Variants in NMNAT3 observed in about 807,000 individuals in gnomAD.
NMNAT3 encodes the protein nicotinamide/nicotinic acid mononucleotide adenylyltransferase 3.
A neutral mutation model predicts 24.8 loss-of-function variants in NMNAT3; 21 were observed. That is an observed-to-expected ratio of 0.85 (90% confidence interval 0.60 to 1.22). The LOEUF (loss-of-function observed/expected upper bound fraction) is 1.22. Ranked by LOEUF, NMNAT3 falls within the 50% of genes most tolerant of loss-of-function variation. The pLI is 0.00. For synonymous variants in NMNAT3, 136 were observed against 155.2 expected (o/e 0.88, Z 0.92); for missense variants, 387 against 436.6 (o/e 0.89, Z 1.01).
At position 139,564,391 on chromosome 3, in the gene NMNAT3, C is replaced by T. The variant is rs144511217; in HGVS notation, c.659-2999G>A. On this transcript the variant is annotated intron_variant, in intron 6 of 6. Transcript: ENST00000643695. ...CCACCTTGGAACATTCAGTATAAAACGGAAACAGATAAAGGGCCTGCTCTG... is the reference window on the plus strand; with the variant it reads ...CCACCTTGGAACATTCAGTATAAAATGGAAACAGATAAAGGGCCTGCTCTG... 2.0e-4 allele frequency among the ~76,000 whole-genome samples: 31 copies of T among 152,246 alleles called. No homozygotes were observed. The East Asian group carries it at 4.6e-3, about 23-fold the overall frequency.
intron 3 of NMNAT3, among the ~76,000 whole-genome samples, chr3:139,611,817 A>G (rs1973427): frequency 0.93 from 141,499 of 152,264 alleles, 66,673 homozygotes; most frequent in East Asian, 1. Context: ...TGCTCCACAA[A>G]TCAAGAGAAC....
At chr3:139,631,845 T>C (rs191341010) in intron 2 of NMNAT3, among the ~76,000 whole-genome samples, 1 of 152,360 alleles carries the variant, frequency 6.6e-6, no homozygotes, top group Admixed American at 6.5e-5. Context: ...ACTCTGTACT[T>C]GTTACATATT....
intron 3 of NMNAT3, among the ~76,000 whole-genome samples, chr3:139,602,901 A>G (rs1042987013): frequency 3.3e-5 from 5 of 152,242 alleles, no homozygotes; most frequent in African/African-American, 1.2e-4. Flanking sequence ...TAAATTTAAG[A>G]TGATCTTTTC....
intron 6 of NMNAT3, chr3:139,572,210 T>G (rs1938494837): frequency 2.5e-5 from 10 of 398,434 alleles, no homozygotes; most frequent in Non-Finnish European, 3.5e-5. Flanking sequence ...TCAAAAAGTG[T>G]CTGTAGAATC....
chr3:139,591,128 G>T (rs926217523), intron 3 of NMNAT3, among the ~76,000 whole-genome samples: 2 of 151,166 alleles, frequency 1.3e-5, no homozygotes, highest in Non-Finnish European at 1.5e-5. Flanking sequence ...TGCGCGAGCC[G>T]AAGCAGGGCG....
intron 3 of NMNAT3, among the ~76,000 whole-genome samples, chr3:139,586,754 C>T (rs570299474): frequency 1.2e-4 from 18 of 151,996 alleles, no homozygotes; most frequent in Non-Finnish European, 2.4e-4. Context: ...CCAGAAAACC[C>T]GGGGAATCAG....
At chr3:139,587,670 G>A (rs1179759461) in intron 3 of NMNAT3, among the ~76,000 whole-genome samples, 9 of 152,190 alleles carry the variant, frequency 5.9e-5, no homozygotes, top group Non-Finnish European at 1.5e-5. Flanking sequence ...CACAATTCAT[G>A]GAAATGGTGG....
At chr3:139,567,301 G>T (rs1449404114) in intron 6 of NMNAT3, 1 of 152,090 alleles carries the variant, frequency 6.6e-6, no homozygotes, top group South Asian at 2.1e-4. Context: ...CATGTCATCT[G>T]CAAACAGGGA....
chr3:139,644,694 A>G (rs894676791), intron 1 of NMNAT3, among the ~76,000 whole-genome samples: 3 of 152,214 alleles, frequency 2.0e-5, no homozygotes, highest in Non-Finnish European at 2.9e-5. Flanking sequence ...TAACTCCTTG[A>G]TGGAATATGA....
intron 1 of NMNAT3, among the ~76,000 whole-genome samples, chr3:139,672,290 G>T (rs12186041): frequency 0.22 from 33,188 of 152,084 alleles, 4,231 homozygotes; most frequent in South Asian, 0.36. Context: ...AAAGAAAGGG[G>T]GGCGTACTGA....
At chr3:139,570,533 C>T (rs1576518021) in intron 6 of NMNAT3, 1 of 152,142 alleles carries the variant, frequency 6.6e-6, no homozygotes, top group East Asian at 1.9e-4. Context: ...TGTGGATGTC[C>T]TTTCTGTTTG....
At chr3:139,580,584 G>T (rs558421031) in intron 4 of NMNAT3, among the ~76,000 whole-genome samples, 1 of 152,098 alleles carries the variant, frequency 6.6e-6, no homozygotes, top group Non-Finnish European at 1.5e-5. Context: ...ACAGACAGAC[G>T]CTCGCCACCT....
intron 2 of NMNAT3, chr3:139,635,727 G>C (rs2056475219): frequency 1.3e-5 from 2 of 152,234 alleles, no homozygotes; most frequent in Admixed American, 1.3e-4. Flanking sequence ...CCTCTGGTAG[G>C]ATAAAGTTTG....
In NMNAT3 at chr3:139,579,050, A is replaced by G. The variant is rs644564; in HGVS notation, c.397T>C (p.Tyr133His). The G allele has an allele frequency of 6.2e-7, 1 of 1,613,322 alleles. No individual in the cohort carries two copies. Among genetic ancestry groups the G allele is most frequent in the Non-Finnish European group, 8.5e-7 (1 of 1,179,672 alleles). The change falls in exon 5 of 7, where the codon TAC becomes CAC. Residue 133 changes from tyrosine (Y) to histidine (H), a missense_variant. Around this residue, in one of 3 missense-constraint regions of NMNAT3, gnomAD observed 323 missense variants for 345.2 expected, o/e 0.94. Transcript: ENST00000643695. ...GAGATGATACCCTGGATGACCTGGT[A>G]CATTCCTAGGTAAGAGAGAGCAGTG...
At chr3:139,642,687 C>T (rs548783391) in intron 1 of NMNAT3, among the ~76,000 whole-genome samples, 1 of 152,264 alleles carries the variant, frequency 6.6e-6, no homozygotes, top group East Asian at 1.9e-4. Context: ...TTGATGAGGG[C>T]AGCCCTGCAT....
intron 3 of NMNAT3, chr3:139,584,580 A>G (rs959170124): frequency 1.3e-5 from 2 of 152,210 alleles, no homozygotes; most frequent in African/African-American, 4.8e-5. Flanking sequence ...GTTTTGATCC[A>G]TGACTTATTT....
chr3:139,643,082 G>T (rs1352623586), intron 1 of NMNAT3, among the ~76,000 whole-genome samples: 1 of 152,170 alleles, frequency 6.6e-6, no homozygotes, highest in Non-Finnish European at 1.5e-5. Context: ...TTTCTTTAAA[G>T]AAAACATATG....
chr3:139,655,788 A>G (rs756149345), intron 1 of NMNAT3, among the ~76,000 whole-genome samples: 1 of 152,226 alleles, frequency 6.6e-6, no homozygotes, highest in Non-Finnish European at 1.5e-5. Flanking sequence ...AGATGGGCAC[A>G]TTTGCTCATT....
intron 3 of NMNAT3, among the ~76,000 whole-genome samples, chr3:139,617,295 G>A (rs1470661047): frequency 4.6e-5 from 7 of 152,164 alleles, no homozygotes; most frequent in Non-Finnish European, 2.9e-5. Context: ...CTTGCATCGA[G>A]TACAACACCC....
Sources: allele counts gnomAD v4.1 joint callset (sites outside exome capture counted in the v4.1 genomes callset), GRCh38; gene constraint gnomAD v4.1.1; regional missense constraint gnomAD v4.1.1; transcripts MANE v1.5; gene names NCBI Gene and HGNC (gene_info 2026-07-23, HGNC 2026-07-21).